GALNT18: variants seen among roughly 807,000 people sequenced by gnomAD.
The protein encoded by GALNT18 is GalNAc-transferase 18.
A neutral mutation model predicts 69.5 loss-of-function variants in GALNT18; 44 were observed. The observed-to-expected ratio is 0.63, with a 90% CI of 0.50 to 0.81. The LOEUF (loss-of-function observed/expected upper bound fraction) is 0.81, where lower values mean the gene tolerates loss of function less well. GALNT18 is among the 40% of genes least tolerant of loss of function. The pLI is 0.00. For synonymous variants in GALNT18, 364 were observed against 318.2 expected (o/e 1.14, Z -1.53); for missense variants, 715 against 810.0 (o/e 0.88, Z 1.42).
intron 3 of GALNT18, among the ~76,000 whole-genome samples, chr11:11,426,346 G>A (rs941596708): frequency 1.3e-5 from 2 of 152,196 alleles, no homozygotes; most frequent in Non-Finnish European, 2.9e-5. Context: ...AGCTCTGGGG[G>A]AGCTGAGGCG....
chr11:11,365,454 C>A (rs1850743411), intron 6 of GALNT18, among the ~76,000 whole-genome samples: 1 of 152,274 alleles, frequency 6.6e-6, no homozygotes, highest in Non-Finnish European at 1.5e-5. Flanking sequence ...CTGCAATAAA[C>A]ATACATGTAC....
At chr11:11,272,292 T>G (rs60627382) in intron 10 of GALNT18, among the ~76,000 whole-genome samples, 25,361 of 152,258 alleles carry the variant, frequency 0.17, 2,507 homozygotes, top group South Asian at 0.25. Flanking sequence ...TTGTGTCATG[T>G]GACTGTCCCC....
chr11:11,438,063 A>C (rs1313893613), intron 2 of GALNT18, among the ~76,000 whole-genome samples: 1 of 152,196 alleles, frequency 6.6e-6, no homozygotes, highest in African/African-American at 2.4e-5. Context: ...ACACCCAGGG[A>C]GAGGGTCTGG....
At position 11,293,637 on chromosome 11, in the gene GALNT18, G is replaced by A. The variant is rs192433264; in HGVS notation, c.1513-444C>T. ...CTCACTGCAACCTTCCACCTCCCAG[G>A]CTCAAGTGATTCTCCTGCCTCCGTC... is the stretch of plus-strand genomic sequence containing the variant. On this transcript the variant is annotated intron_variant, in intron 9 of 10. Coordinates refer to ENST00000227756, the MANE Select transcript of GALNT18 (RefSeq NM_198516.3). Among the ~76,000 whole-genome samples, 356 of 144,254 alleles carry A rather than the reference G, an allele frequency of 2.5e-3. 1 individual carries two copies. Among genetic ancestry groups the A allele is most frequent in the African/African-American group, 8.6e-3 (336 of 39,260 alleles). 94.6% of individuals were successfully genotyped at this position (144,254 alleles called of 152,430 possible).
At position 11,439,533 on chromosome 11, in the gene GALNT18, T is replaced by C. The variant is rs529197465; in HGVS notation, c.429-6746A>G. Among the ~76,000 whole-genome samples, 55 of 152,348 alleles carry C rather than the reference T, an allele frequency of 3.6e-4. No homozygotes were observed. The highest frequency in any genetic ancestry group is 1.3e-3 in the African/African-American group (53 of 41,586). ...CAGATTCTGCTTTTCTTTCATGCCATGTACATGCTATTGCAACATGTTTTT... is the reference window on the plus strand; with the variant it reads ...CAGATTCTGCTTTTCTTTCATGCCACGTACATGCTATTGCAACATGTTTTT... On this transcript the variant is annotated intron_variant, in intron 2 of 10. Transcript: ENST00000227756. The surrounding 1 kb of genome is among the most constrained non-coding windows in gnomAD (Gnocchi z 4.4).
rs1858547405 is a variant in GALNT18 at position 11,562,880 on chromosome 11, G to A, written c.235+58479C>T. On this transcript the variant is annotated intron_variant, in intron 1 of 10. Transcript: ENST00000227756. This position sits in a 1 kb window ranked among gnomAD's most constrained non-coding sequence, Gnocchi z 4.1. ...TGGGGTCTGCCTAGCTCGAGGCCTG[G>A]GCTTTCCCTTCCCATCACCCTGCCT... 6.6e-6 allele frequency among the ~76,000 whole-genome samples: 1 copy of A among 152,058 alleles called. No individual in the cohort carries two copies. The highest frequency in any genetic ancestry group is 1.5e-5 in the Non-Finnish European group (1 of 68,004).
In GALNT18 at chr11:11,318,527, C is replaced by T. The variant is rs749625244; in HGVS notation, c.1512+8559G>A. Among the ~76,000 whole-genome samples the T allele has an allele frequency of 3.3e-5, 5 of 152,176 alleles. No homozygotes were observed. The highest frequency in any genetic ancestry group is 4.8e-5 in the African/African-American group (2 of 41,430). On this transcript the variant is annotated intron_variant, in intron 9 of 10. Transcript: ENST00000227756. This position sits in a 1 kb window ranked among gnomAD's most constrained non-coding sequence, Gnocchi z 5.1. ...GGCCTTCAGAGGGAGCTTGGCCCTG[C>T]TGAGACCGATCTCGAACTTCTAGGC...
At chr11:11,512,734 G>T (rs968330028) in intron 1 of GALNT18, among the ~76,000 whole-genome samples, 3 of 152,156 alleles carry the variant, frequency 2.0e-5, no homozygotes, top group Admixed American at 6.5e-5. Context: ...GGCACCTGAG[G>T]CCTGGGCTCG....
chr11:11,424,788 A>C (rs988299917), intron 3 of GALNT18, among the ~76,000 whole-genome samples: 1 of 152,160 alleles, frequency 6.6e-6, no homozygotes, highest in Non-Finnish European at 1.5e-5. Context: ...GAGTTTCTGG[A>C]AACAGTGGTA....
intron 9 of GALNT18, among the ~76,000 whole-genome samples, chr11:11,298,570 A>C (rs1849440371): frequency 6.6e-6 from 1 of 152,010 alleles, no homozygotes; most frequent in African/African-American, 2.4e-5. Context: ...CAGGCCCGGG[A>C]GCTTGGTCCC....
Position 11,432,527 on chromosome 11 carries a change from C to A in GALNT18, c.595+94G>T. The A allele has an allele frequency of 7.9e-7, 1 of 1,265,760 alleles. No individual in the cohort carries two copies. The highest frequency in any genetic ancestry group is 1.1e-6 in the Non-Finnish European group (1 of 918,570). The allele number at this position is 1,265,760 out of a possible 1,614,324, so 78.4% of individuals were successfully genotyped here. On this transcript the variant is annotated intron_variant, in intron 3 of 10. Coordinates refer to ENST00000227756, the MANE Select transcript of GALNT18 (RefSeq NM_198516.3). This position sits in a 1 kb window ranked among gnomAD's most constrained non-coding sequence, Gnocchi z 5.8. ...GCTCCAGAGAAAGAGCAGCCACAGACAGCCTTGAGCAAATGTGAACCACGA... is the reference window on the plus strand; with the variant it reads ...GCTCCAGAGAAAGAGCAGCCACAGAAAGCCTTGAGCAAATGTGAACCACGA...
At chr11:11,533,688 T>C (rs1013859755) in intron 1 of GALNT18, among the ~76,000 whole-genome samples, 1 of 152,248 alleles carries the variant, frequency 6.6e-6, no homozygotes, top group Non-Finnish European at 1.5e-5. Context: ...TGGCTTTTTT[T>C]CCTGCACTTT....
At chr11:11,308,015 G>A (rs555832117) in intron 9 of GALNT18, among the ~76,000 whole-genome samples, 3 of 152,270 alleles carry the variant, frequency 2.0e-5, no homozygotes, top group Admixed American at 1.3e-4. Context: ...GTTTCTCTCA[G>A]TCTGATTCTG....
At chr11:11,593,159 C>T (rs548135170) in intron 1 of GALNT18, among the ~76,000 whole-genome samples, 38 of 152,292 alleles carry the variant, frequency 2.5e-4, no homozygotes, top group Admixed American at 2.1e-3. Context: ...GTGATCCGCC[C>T]GCCTCGGCCT....
rs1397250107 is a variant in GALNT18, at chr11:11,461,026, G to A, written c.236-12090C>T. Among the ~76,000 whole-genome samples the A allele has an allele frequency of 6.6e-6, 1 of 152,180 alleles. No homozygotes were observed. The highest frequency in any genetic ancestry group is 1.9e-4 in the East Asian group (1 of 5,194). On this transcript the variant is annotated intron_variant, in intron 1 of 10. Coordinates refer to ENST00000227756, the MANE Select transcript of GALNT18 (RefSeq NM_198516.3). This position sits in a 1 kb window ranked among gnomAD's most constrained non-coding sequence, Gnocchi z 4.1. ...AGGCAACTCCAGCTAGGTGGGCTAG[G>A]ACTCAGGAAGGGTGGTGGGTCCCAG...
intron 1 of GALNT18, among the ~76,000 whole-genome samples, chr11:11,503,398 T>C (rs1156688671): frequency 3.9e-5 from 6 of 152,190 alleles, no homozygotes; most frequent in Non-Finnish European, 7.3e-5. Flanking sequence ...AGAGAATAGC[T>C]ATTGCTCTGA....
chr11:11,323,930 G>A (rs1417247326), intron 9 of GALNT18, among the ~76,000 whole-genome samples: 1 of 152,072 alleles, frequency 6.6e-6, no homozygotes, highest in Non-Finnish European at 1.5e-5. Flanking sequence ...AACATGGATA[G>A]GCTGATAATT....
chr11:11,537,817 G>T (rs377293719), intron 1 of GALNT18, among the ~76,000 whole-genome samples: 3 of 152,152 alleles, frequency 2.0e-5, no homozygotes, highest in African/African-American at 7.2e-5. Context: ...TCAGATATTT[G>T]GATTACAACG....
At chr11:11,607,034 TTGA>T (rs1245450884) in intron 1 of GALNT18, among the ~76,000 whole-genome samples, 5 of 152,234 alleles carry the variant, frequency 3.3e-5, no homozygotes, top group African/African-American at 1.2e-4. Flanking sequence ...CCCTTCTTTG[TTGA>T]TATGTGAGGA....
Sources: gnomAD v4.1 joint callset for allele counts (sites outside exome capture counted in the v4.1 genomes callset) on GRCh38, gnomAD v4.1.1 for gene constraint, Gnocchi (gnomAD v3.1) non-coding constraint, MANE v1.5 for transcripts, NCBI Gene and HGNC (gene_info 2026-07-23, HGNC 2026-07-21) for gene names.